BNC2: variants seen among roughly 807,000 people sequenced by gnomAD.
The protein encoded by BNC2 is zinc finger protein basonuclin-2.
A neutral mutation model predicts 76.3 loss-of-function variants in BNC2; 20 were observed. The ratio of observed to expected loss-of-function variants is 0.26; its 90% CI spans 0.18 to 0.38. The LOEUF (loss-of-function observed/expected upper bound fraction) is 0.38, where lower values mean the gene tolerates loss of function less well. Among genes scored for constraint, BNC2 ranks in the 10% least tolerant of loss-of-function variants. The probability of loss-of-function intolerance (pLI) is 1.00; values close to 1 mark genes in which losing one functional copy is unlikely to be tolerated. For missense variants in BNC2, 1,382 were observed against 1,399.8 expected (o/e 0.99, Z 0.20); for synonymous variants, 582 against 514.8 (o/e 1.13, Z -1.77).
At chr9:16,709,759 A>T (rs1054832895) in intron 3 of BNC2, among the ~76,000 whole-genome samples, 9 of 152,240 alleles carry the variant, frequency 5.9e-5, no homozygotes, top group Non-Finnish European at 1.2e-4. Context: ...TGCCAAAATT[A>T]AAGTATGATC....
chr9:16,571,356 G>A (rs1819318231), intron 4 of BNC2, among the ~76,000 whole-genome samples: 1 of 152,100 alleles, frequency 6.6e-6, no homozygotes, highest in Non-Finnish European at 1.5e-5. Context: ...AAGGTTATAT[G>A]ATTCATTCAC....
At chr9:16,793,471 G>C (rs1247729635) in intron 1 of BNC2, among the ~76,000 whole-genome samples, 1 of 151,936 alleles carries the variant, frequency 6.6e-6, no homozygotes, top group Non-Finnish European at 1.5e-5. Context: ...ATCAATTCTA[G>C]TTTTCTTTTG....
intron 1 of BNC2, among the ~76,000 whole-genome samples, chr9:16,869,461 T>C (rs1339688691): frequency 1.3e-5 from 2 of 152,106 alleles, no homozygotes; most frequent in African/African-American, 4.8e-5. Context: ...CAGTCCCATC[T>C]CCTACACTCC....
intron 5 of BNC2, among the ~76,000 whole-genome samples, chr9:16,550,401 G>A (rs562164689): frequency 9.9e-5 from 15 of 152,188 alleles, no homozygotes; most frequent in Non-Finnish European, 1.8e-4. Flanking sequence ...AAGAAATACA[G>A]AGTACATTTA....
Position 16,780,093 on chromosome 9 carries a change from G to C in BNC2, c.4-41608C>G, listed in dbSNP as rs10962587. 2.0e-5 allele frequency among the ~76,000 whole-genome samples: 3 copies of C among 151,590 alleles called. No individual in the cohort carries two copies. In the South Asian group the frequency reaches 6.2e-4, roughly 32 times the overall value. On this transcript the variant is annotated intron_variant, in intron 1 of 6. Transcript: ENST00000380672. ...CTACTAAAAATACAAAAAATTAGCCGGGCGCGGTGGCGGGTGCCTGTAGTC... is the reference window on the plus strand; with the variant it reads ...CTACTAAAAATACAAAAAATTAGCCCGGCGCGGTGGCGGGTGCCTGTAGTC...
intron 3 of BNC2, among the ~76,000 whole-genome samples, chr9:16,629,146 A>C (rs1821086964): frequency 2.0e-5 from 3 of 152,208 alleles, no homozygotes; most frequent in Admixed American, 1.3e-4. Flanking sequence ...ACTAATCGGG[A>C]AGGTTTACCT....
rs1477248004 is a variant in BNC2 at position 16,461,869 on chromosome 9, T to C, written c.670-24345A>G. On this transcript the variant is annotated intron_variant, in intron 5 of 6. Transcript: ENST00000380672. Reference sequence around the variant, plus strand: ...TGCACCTGCCACTGAGCTGGAAGCCTGCTCACTTCTCATGTGCATGCAGTT... The same window carrying C: ...TGCACCTGCCACTGAGCTGGAAGCCCGCTCACTTCTCATGTGCATGCAGTT... 2.0e-5 allele frequency among the ~76,000 whole-genome samples: 3 copies of C among 152,264 alleles called. No individual in the cohort carries two copies. In the East Asian group the frequency reaches 5.8e-4, roughly 29 times the overall value.
chr9:16,475,085 C>A (rs1587071423), intron 5 of BNC2, among the ~76,000 whole-genome samples: 2 of 152,148 alleles, frequency 1.3e-5, no homozygotes, highest in Non-Finnish European at 2.9e-5. Context: ...GTAGGTCTGA[C>A]TTTACACCAT....
chr9:16,539,654 AG>A (rs1818244933), intron 5 of BNC2, among the ~76,000 whole-genome samples: 1 of 29,280 alleles, frequency 3.4e-5, no homozygotes, highest in African/African-American at 2.0e-4. Context: ...AGAGAGAGAG[AG>A]AAGGGAGGGA....
intron 1 of BNC2, among the ~76,000 whole-genome samples, chr9:16,739,767 AG>A (rs1411102228): frequency 1.3e-5 from 2 of 152,252 alleles, no homozygotes; most frequent in African/African-American, 4.8e-5. Flanking sequence ...GATAAAATCA[AG>A]GGGACCAGAA....
At chr9:16,439,949 CA>C (rs1310897845) in intron 5 of BNC2, among the ~76,000 whole-genome samples, 5 of 152,216 alleles carry the variant, frequency 3.3e-5, no homozygotes, top group Non-Finnish European at 7.3e-5. Context: ...GGTGCAGGCA[CA>C]TGGCAACCCC....
chr9:16,470,249 G>A (rs956745749), intron 5 of BNC2, among the ~76,000 whole-genome samples: 3 of 151,900 alleles, frequency 2.0e-5, no homozygotes, highest in African/African-American at 4.8e-5. Flanking sequence ...CGCCCACCTC[G>A]GCCTCCGAAA....
At chr9:16,664,463 C>G (rs1239036642) in intron 3 of BNC2, among the ~76,000 whole-genome samples, 1 of 152,038 alleles carries the variant, frequency 6.6e-6, no homozygotes, top group African/African-American at 2.4e-5. Flanking sequence ...AAGCCTATAC[C>G]AAGTTTTTGC....
At chr9:16,507,446 T>G (rs1197531908) in intron 5 of BNC2, among the ~76,000 whole-genome samples, 1 of 152,108 alleles carries the variant, frequency 6.6e-6, no homozygotes, top group East Asian at 1.9e-4. Flanking sequence ...TTTGGTTTTT[T>G]GAGACGAAGT....
chr9:16,680,524 T>C (rs1822792901), intron 3 of BNC2, among the ~76,000 whole-genome samples: 1 of 151,256 alleles, frequency 6.6e-6, no homozygotes. Context: ...AACATTTCCA[T>C]AAACTAGAGA....
chr9:16,785,775 C>T (rs567846115), intron 1 of BNC2, among the ~76,000 whole-genome samples: 1 of 151,212 alleles, frequency 6.6e-6, no homozygotes, highest in Non-Finnish European at 1.5e-5. Flanking sequence ...CCATTGCACT[C>T]CAGCCTGGGC....
intron 3 of BNC2, among the ~76,000 whole-genome samples, chr9:16,652,315 T>C (rs972606590): frequency 6.6e-6 from 1 of 152,302 alleles, no homozygotes; most frequent in Admixed American, 6.5e-5. Context: ...TCTCATACTA[T>C]AAAAACAAGT....
intron 1 of BNC2, among the ~76,000 whole-genome samples, chr9:16,830,938 C>G (rs1818564399): frequency 6.6e-6 from 1 of 152,200 alleles, no homozygotes; most frequent in Non-Finnish European, 1.5e-5. Context: ...CTTCTGCCTT[C>G]TAGAAATTGG....
At chr9:16,487,655 C>G (rs1408054341) in intron 5 of BNC2, among the ~76,000 whole-genome samples, 1 of 152,176 alleles carries the variant, frequency 6.6e-6, no homozygotes, top group African/African-American at 2.4e-5. Flanking sequence ...AAAAAAGTGA[C>G]AAGCTATCTT....
Sources: gnomAD v4.1 joint callset for allele counts (sites outside exome capture counted in the v4.1 genomes callset) on GRCh38, gnomAD v4.1.1 for gene constraint, MANE v1.5 for transcripts, NCBI Gene and HGNC (gene_info 2026-07-23, HGNC 2026-07-21) for gene names.